SPIRE1: variants seen among roughly 807,000 people sequenced by gnomAD.
SPIRE1 encodes the protein protein spire homolog 1.
SPIRE1 carries 40 observed loss-of-function variants against 94.1 expected under a neutral mutation model. That is an observed-to-expected ratio of 0.43 (90% CI 0.33 to 0.55). The LOEUF is 0.55. Ranked by LOEUF, SPIRE1 falls within the 20% of genes least tolerant of loss-of-function variation. The probability of loss-of-function intolerance (pLI) is 0.06; values close to 1 mark genes in which losing one functional copy is unlikely to be tolerated. For missense variants in SPIRE1, 838 were observed against 975.2 expected (o/e 0.86, Z 1.87); for synonymous variants, 376 against 371.7 (o/e 1.01, Z -0.13).
chr18:12,640,739 A>C (rs1382172752), intron 1 of SPIRE1, among the ~76,000 whole-genome samples: 1 of 152,216 alleles, frequency 6.6e-6, no homozygotes, highest in Non-Finnish European at 1.5e-5. Flanking sequence ...TTCCGGAAGC[A>C]GGAGGTGGCG....
At chr18:12,609,188 G>A (rs961754277) in intron 2 of SPIRE1, among the ~76,000 whole-genome samples, 5 of 152,200 alleles carry the variant, frequency 3.3e-5, no homozygotes, top group Admixed American at 6.5e-5. Flanking sequence ...CTAACAGGCT[G>A]CGTCTGTAAT....
intron 2 of SPIRE1, among the ~76,000 whole-genome samples, chr18:12,611,203 T>TC (rs966903697): frequency 1.3e-5 from 2 of 152,214 alleles, no homozygotes; most frequent in African/African-American, 2.4e-5. Context: ...CTCTGGGTTA[T>TC]CCAGCCTCCA....
intron 2 of SPIRE1, among the ~76,000 whole-genome samples, chr18:12,552,223 A>G (rs1477894807): frequency 5.3e-5 from 8 of 152,218 alleles, no homozygotes; most frequent in Non-Finnish European, 1.5e-5. Context: ...AGCCACAAGG[A>G]CTGCAACTCC....
At chr18:12,632,499 T>C (rs965429867) in intron 2 of SPIRE1, among the ~76,000 whole-genome samples, 10 of 152,224 alleles carry the variant, frequency 6.6e-5, no homozygotes, top group Non-Finnish European at 1.3e-4. Flanking sequence ...TCACCACTCC[T>C]GCTTTTTGCT....
chr18:12,620,907 A>T (rs2037446903), intron 2 of SPIRE1, among the ~76,000 whole-genome samples: 1 of 152,224 alleles, frequency 6.6e-6, no homozygotes, highest in Non-Finnish European at 1.5e-5. Context: ...GTATGTGATA[A>T]GAAATTTTAT....
At chr18:12,596,282 A>T (rs2036669532) in intron 2 of SPIRE1, among the ~76,000 whole-genome samples, 1 of 152,254 alleles carries the variant, frequency 6.6e-6, no homozygotes, top group African/African-American at 2.4e-5. Flanking sequence ...TTCATTTGTC[A>T]AATAAACCAA....
intron 2 of SPIRE1, among the ~76,000 whole-genome samples, chr18:12,601,251 C>CAA (rs752663920): frequency 7.3e-6 from 1 of 136,740 alleles, no homozygotes; most frequent in Non-Finnish European, 1.6e-5. Flanking sequence ...CCATCTCTAC[C>CAA]AAAAAAAAAA....
At chr18:12,611,267 C>T (rs1052739642) in intron 2 of SPIRE1, among the ~76,000 whole-genome samples, 3 of 152,146 alleles carry the variant, frequency 2.0e-5, no homozygotes, top group African/African-American at 7.2e-5. Flanking sequence ...TATGCAGTCC[C>T]CTCCCACACT....
intron 4 of SPIRE1, among the ~76,000 whole-genome samples, chr18:12,515,351 C>CG (rs2144055859): frequency 6.6e-6 from 1 of 151,622 alleles, no homozygotes; most frequent in South Asian, 2.1e-4. Context: ...CCTGTCTCTC[C>CG]AAAAAAACCA....
chr18:12,449,609 A>C lies in SPIRE1; in HGVS notation c.*29T>G. The C allele has an allele frequency of 6.2e-7, 1 of 1,607,394 alleles. No individual in the cohort carries two copies. Among genetic ancestry groups the C allele is most frequent in the Non-Finnish European group, 8.5e-7 (1 of 1,175,592 alleles). On this transcript the variant is annotated 3_prime_UTR_variant, in exon 17 of 17. Coordinates refer to ENST00000409402, the MANE Select transcript of SPIRE1 (RefSeq NM_001128626.2). ...TCCTCGCGCACGGACGCTGACTCGT[A>C]GCACAAAAGCAGCTGAAAGGCACGA...
intron 2 of SPIRE1, among the ~76,000 whole-genome samples, chr18:12,619,574 C>T (rs894416340): frequency 1.3e-5 from 2 of 151,832 alleles, no homozygotes; most frequent in Non-Finnish European, 2.9e-5. Flanking sequence ...ACAGGCTAGG[C>T]GCAGTGGCTC....
At chr18:12,466,221 T>C (rs1329416650) in intron 10 of SPIRE1, among the ~76,000 whole-genome samples, 1 of 152,196 alleles carries the variant, frequency 6.6e-6, no homozygotes, top group East Asian at 1.9e-4. Context: ...TCCTGAAATA[T>C]TTACTAAATA....
At chr18:12,660,948 T>G (rs2083854478), upstream of SPIRE1, among the ~76,000 whole-genome samples, 2 of 152,236 alleles carry the variant, frequency 1.3e-5, no homozygotes, top group Non-Finnish European at 2.9e-5. Flanking sequence ...ACATGAACAC[T>G]TGACTCTTTT....
Position 12,657,717 on chromosome 18 carries a change from G to A in SPIRE1, c.150C>T (p.Asn50=), listed in dbSNP as rs1213391408. 32 of 1,406,016 alleles carry A rather than the reference G, an allele frequency of 2.3e-5. No individual in the cohort carries two copies. The highest frequency in any genetic ancestry group is 2.8e-5 in the Non-Finnish European group (30 of 1,072,336). The allele number at this position is 1,406,016 out of a possible 1,614,324, so 87.1% of individuals were successfully genotyped here. Residue 50 remains asparagine (N), a synonymous_variant, in exon 1 of 17, where the codon AAC becomes AAT. Coordinates refer to ENST00000409402, the MANE Select transcript of SPIRE1 (RefSeq NM_001128626.2). The part of the protein sequence containing the change: ...LSLEEILRLY[N]QPINEEQAWA... ...ACGCCTGCTCCTCGTTGATGGGCTGGTTGTACAGCCGCAGGATCTCCTCCA... is the reference window on the plus strand; with the variant it reads ...ACGCCTGCTCCTCGTTGATGGGCTGATTGTACAGCCGCAGGATCTCCTCCA...
chr18:12,554,758 C>A (rs1365749081), intron 2 of SPIRE1, among the ~76,000 whole-genome samples: 2 of 152,168 alleles, frequency 1.3e-5, no homozygotes, highest in Non-Finnish European at 2.9e-5. Flanking sequence ...ACTAGCAAAT[C>A]AAATCCAACA....
chr18:12,547,748 C>T (rs1174603072), intron 2 of SPIRE1, among the ~76,000 whole-genome samples: 1 of 152,098 alleles, frequency 6.6e-6, no homozygotes, highest in Non-Finnish European at 1.5e-5. Flanking sequence ...TCGAGATCAG[C>T]CTGGCCAACA....
chr18:12,552,885 T>C (rs974288334), intron 2 of SPIRE1, among the ~76,000 whole-genome samples: 1 of 152,168 alleles, frequency 6.6e-6, no homozygotes, highest in African/African-American at 2.4e-5. Flanking sequence ...GGGTTTTGTC[T>C]GCGGCTCTTC....
intron 1 of SPIRE1, among the ~76,000 whole-genome samples, chr18:12,649,160 T>C (rs962136160): frequency 1.3e-5 from 2 of 152,104 alleles, no homozygotes; most frequent in African/African-American, 4.8e-5. Context: ...ACCTGCAATT[T>C]CAGCACTTTG....
chr18:12,563,917 ATC>A (rs1468643164), intron 2 of SPIRE1, among the ~76,000 whole-genome samples: 5 of 152,182 alleles, frequency 3.3e-5, no homozygotes. Context: ...ATTAAATTCT[ATC>A]TTTTTCTAAT....
Sources: gnomAD v4.1 joint callset for allele counts (sites outside exome capture counted in the v4.1 genomes callset) on GRCh38, gnomAD v4.1.1 for gene constraint, MANE v1.5 for transcripts, NCBI Gene and HGNC (gene_info 2026-07-23, HGNC 2026-07-21) for gene names.